CCDC192: variants seen among roughly 807,000 people sequenced by gnomAD.
CCDC192 encodes coiled-coil domain containing 192.
intron 6 of CCDC192, among the ~76,000 whole-genome samples, chr5:127,925,057 G>C (rs1296058667): frequency 7.2e-6 from 1 of 138,746 alleles, no homozygotes; most frequent in East Asian, 2.8e-4. Context: ...TGCAACAACA[G>C]AAGCATTTTG....
intron 2 of CCDC192, among the ~76,000 whole-genome samples, chr5:127,711,570 A>G (rs532574411): frequency 6.6e-6 from 1 of 152,130 alleles, no homozygotes; most frequent in Non-Finnish European, 1.5e-5. Context: ...GGAAACATAC[A>G]TTTGGTCATA....
intron 6 of CCDC192, among the ~76,000 whole-genome samples, chr5:127,928,560 A>G (rs1753928616): frequency 6.6e-6 from 1 of 152,178 alleles, no homozygotes; most frequent in Non-Finnish European, 1.5e-5. Flanking sequence ...CTCTTCAGTC[A>G]TATAAAGCAA....
intron 2 of CCDC192, among the ~76,000 whole-genome samples, chr5:127,709,559 A>C (rs1460032549): frequency 6.6e-6 from 1 of 152,216 alleles, no homozygotes; most frequent in East Asian, 1.9e-4. Flanking sequence ...TTGTCAGTGT[A>C]GTTCATTTTA....
intron 5 of CCDC192, among the ~76,000 whole-genome samples, chr5:127,806,527 T>A (rs982059862): frequency 6.6e-6 from 1 of 152,186 alleles, no homozygotes; most frequent in South Asian, 2.1e-4. Flanking sequence ...ACGCATTTCT[T>A]CAAACATGTA....
chr5:127,714,129 GAT>G (rs1751488827), intron 2 of CCDC192, among the ~76,000 whole-genome samples: 1 of 152,068 alleles, frequency 6.6e-6, no homozygotes, highest in African/African-American at 2.4e-5. Flanking sequence ...CACTTATCAT[GAT>G]GTCCTCCAGG....
At chr5:127,761,100 T>C (rs915304293) in intron 3 of CCDC192, among the ~76,000 whole-genome samples, 5 of 152,224 alleles carry the variant, frequency 3.3e-5, no homozygotes, top group Non-Finnish European at 5.9e-5. Context: ...TCTGGCTTAT[T>C]GCAAGAACCT....
At chr5:127,777,741 T>C (rs1318415496) in intron 3 of CCDC192, among the ~76,000 whole-genome samples, 1 of 152,148 alleles carries the variant, frequency 6.6e-6, no homozygotes, top group Non-Finnish European at 1.5e-5. Context: ...AGAGAATAAG[T>C]CACAAGAGAT....
At chr5:127,906,663 G>A (rs551626435) in intron 6 of CCDC192, among the ~76,000 whole-genome samples, 5 of 152,210 alleles carry the variant, frequency 3.3e-5, no homozygotes, top group South Asian at 2.1e-4. Flanking sequence ...GCACATGTCT[G>A]TGGTCCCAGC....
intron 3 of CCDC192, among the ~76,000 whole-genome samples, chr5:127,773,173 G>T (rs538466853): frequency 6.6e-6 from 1 of 152,298 alleles, no homozygotes; most frequent in South Asian, 2.1e-4. Context: ...AATGAAACCA[G>T]TGAATCCAAT....
chr5:127,875,257 A>G (rs1323193804), intron 5 of CCDC192, among the ~76,000 whole-genome samples: 2 of 152,214 alleles, frequency 1.3e-5, no homozygotes, highest in Non-Finnish European at 2.9e-5. Flanking sequence ...AACTGCCTCT[A>G]TTATAAGCAA....
At chr5:127,768,697 G>A (rs1478822978) in intron 3 of CCDC192, among the ~76,000 whole-genome samples, 1 of 152,196 alleles carries the variant, frequency 6.6e-6, no homozygotes, top group Admixed American at 6.5e-5. Flanking sequence ...GACTACAAAA[G>A]CTATTAAAGC....
At chr5:127,902,356 T>C (rs773919217) in intron 6 of CCDC192, among the ~76,000 whole-genome samples, 1 of 151,836 alleles carries the variant, frequency 6.6e-6, no homozygotes, top group African/African-American at 2.4e-5. Context: ...TATAAAAGTT[T>C]TTTTTTTTTT....
chr5:127,868,981 C>T (rs1007866937), intron 5 of CCDC192, among the ~76,000 whole-genome samples: 1 of 152,132 alleles, frequency 6.6e-6, no homozygotes, highest in Non-Finnish European at 1.5e-5. Context: ...TCAGTATTTG[C>T]ACCTAAAAAT....
At chr5:127,809,879 GA>G (rs1346429059) in intron 5 of CCDC192, among the ~76,000 whole-genome samples, 4 of 152,160 alleles carry the variant, frequency 2.6e-5, no homozygotes, top group African/African-American at 9.7e-5. Flanking sequence ...TTTTTGGTGT[GA>G]AATCTTCTCA....
intron 4 of CCDC192, among the ~76,000 whole-genome samples, chr5:127,797,767 A>ATT (rs1189951520): frequency 6.4e-4 from 5 of 7,824 alleles, no homozygotes; most frequent in Non-Finnish European, 1.4e-3. Flanking sequence ...ATATATATAT[A>ATT]TATATATATA....
At chr5:127,778,598 G>GTAT (rs1580642760) in intron 3 of CCDC192, among the ~76,000 whole-genome samples, 1 of 152,122 alleles carries the variant, frequency 6.6e-6, no homozygotes, top group East Asian at 1.9e-4. Flanking sequence ...TCTGACTTTA[G>GTAT]TATTAGGGTA....
chr5:127,779,698 T>C (rs937621954), intron 3 of CCDC192, among the ~76,000 whole-genome samples: 5 of 152,214 alleles, frequency 3.3e-5, no homozygotes, highest in African/African-American at 1.2e-4. Flanking sequence ...TAACTTCTTT[T>C]TTCTTCTCAA....
chr5:127,850,110 C>T (rs772636111), intron 5 of CCDC192, among the ~76,000 whole-genome samples: 1 of 152,162 alleles, frequency 6.6e-6, no homozygotes, highest in Non-Finnish European at 1.5e-5. Flanking sequence ...TCAGTGCTGC[C>T]GCCTGAATCT....
At chr5:127,879,431 T>C (rs1342882310) in intron 6 of CCDC192, among the ~76,000 whole-genome samples, 2 of 119,612 alleles carry the variant, frequency 1.7e-5, no homozygotes, top group Non-Finnish European at 3.5e-5. Context: ...TATACAAAAA[T>C]CAATTCAAGA....
Sources: allele counts gnomAD v4.1 joint callset (sites outside exome capture counted in the v4.1 genomes callset), GRCh38; gene constraint gnomAD v4.1.1; transcripts MANE v1.5; gene names NCBI Gene and HGNC (gene_info 2026-07-23, HGNC 2026-07-21).